Variants in HDGFL3 observed in about 807,000 individuals in gnomAD.
The protein encoded by HDGFL3 is HDGF like 3, also known as hepatoma-derived growth factor-related protein 3.
HDGFL3 carries 6 observed loss-of-function variants against 27.6 expected under a neutral mutation model. That is an observed-to-expected ratio of 0.22 (90% CI 0.12 to 0.43). HDGFL3 has a LOEUF of 0.43. Ranked by LOEUF, HDGFL3 falls within the 20% of genes least tolerant of loss-of-function variation. The pLI is 1.00. For missense variants in HDGFL3, 207 were observed against 250.1 expected (o/e 0.83, Z 1.16); for synonymous variants, 88 against 88.9 (o/e 0.99, Z 0.05).
chr15:83,205,740 AC>A (rs1190457442), intron 1 of HDGFL3, among the ~76,000 whole-genome samples: 10 of 152,324 alleles, frequency 6.6e-5, no homozygotes, highest in Admixed American at 1.3e-4. Flanking sequence ...TACATTTCTT[AC>A]TTGGCAAACA....
At chr15:83,160,369 T>C (rs2151403715) in intron 2 of HDGFL3, among the ~76,000 whole-genome samples, 1 of 152,170 alleles carries the variant, frequency 6.6e-6, no homozygotes, top group East Asian at 1.9e-4. Context: ...GTATTTTTGA[T>C]AGAGACGGGG....
intron 4 of HDGFL3, among the ~76,000 whole-genome samples, chr15:83,154,411 C>A (rs1230912869): frequency 6.6e-6 from 1 of 151,404 alleles, no homozygotes; most frequent in Non-Finnish European, 1.5e-5. Context: ...CAAAAGAGAA[C>A]AATGAAGTTA....
chr15:83,180,683 C>T (rs1218848299), intron 1 of HDGFL3: 1 of 138,250 alleles, frequency 7.2e-6, no homozygotes, highest in Non-Finnish European at 1.5e-5. Flanking sequence ...TCTCACTCTG[C>T]TGCCCAGGCT....
At chr15:83,177,790 G>T (rs990066741) in intron 1 of HDGFL3, among the ~76,000 whole-genome samples, 2 of 152,056 alleles carry the variant, frequency 1.3e-5, no homozygotes, top group African/African-American at 2.4e-5. Context: ...TATTATGCAC[G>T]TTCATGAACT....
intron 2 of HDGFL3, among the ~76,000 whole-genome samples, chr15:83,158,825 G>A (rs1402673674): frequency 6.6e-6 from 1 of 152,096 alleles, no homozygotes. Context: ...TACCACGTTA[G>A]TATATTTATT....
At chr15:83,180,150 T>C (rs1444651966) in intron 1 of HDGFL3, among the ~76,000 whole-genome samples, 2 of 152,012 alleles carry the variant, frequency 1.3e-5, no homozygotes, top group African/African-American at 2.4e-5. Context: ...AGTGTCCTGA[T>C]TGACTCCGGA....
rs1337294914 is a variant in HDGFL3, at chr15:83,135,264, CAAGT to C, written c.*4002_*4005del. The C allele has an allele frequency of 2.6e-5, 4 of 152,264 alleles. No individual in the cohort carries two copies. The highest frequency in any genetic ancestry group is 1.9e-4 in the East Asian group (1 of 5,184). 9.4% of individuals were successfully genotyped at this position (152,264 alleles called of 1,614,324 possible). Reference sequence around the variant, plus strand: ...TGTCCTTTTCTTGTCATGGTGAAGTCAAGTAAGTAACACCTTTATCTGTGAAATC... The same window carrying C: ...TGTCCTTTTCTTGTCATGGTGAAGTCAAGTAACACCTTTATCTGTGAAATC... On this transcript the variant is annotated 3_prime_UTR_variant, in exon 6 of 6. Coordinates refer to ENST00000299633, the MANE Select transcript of HDGFL3 (RefSeq NM_016073.4).
downstream of HDGFL3, among the ~76,000 whole-genome samples, chr15:83,127,192 TA>T (rs1567150814): frequency 2.8e-5 from 4 of 142,474 alleles, no homozygotes; most frequent in South Asian, 8.9e-4. Flanking sequence ...AGACTCCACC[TA>T]AAAAAATAAA....
At chr15:83,115,963 T>G (rs1272120289) in intron 3 of HDGFL3, 1 of 1,589,786 alleles carries the variant, frequency 6.3e-7, no homozygotes. Flanking sequence ...ACTTAGTGAT[T>G]ATGAGGTTTC....
intron 2 of HDGFL3, among the ~76,000 whole-genome samples, chr15:83,159,594 AG>A (rs1215823268): frequency 1.3e-5 from 2 of 152,230 alleles, no homozygotes; most frequent in Non-Finnish European, 2.9e-5. Flanking sequence ...GAAGAATAGG[AG>A]ATGGATTTTA....
Position 83,139,227 on chromosome 15 carries a change from C to G in HDGFL3, c.*43G>C. 1 of 1,361,450 alleles carries G rather than the reference C, an allele frequency of 7.3e-7. No homozygotes were observed. The allele number at this position is 1,361,450 out of a possible 1,614,324, so 84.3% of individuals were successfully genotyped here. A position where few individuals can be genotyped will look rare whatever the true frequency, so the allele number is the denominator to read the frequency against. ...GAATATTAGACAACCAAACATATAA[C>G]CTTCTTGTGGTTTCTCTTAATATGC... On this transcript the variant is annotated 3_prime_UTR_variant, in exon 6 of 6. Coordinates refer to ENST00000299633, the MANE Select transcript of HDGFL3 (RefSeq NM_016073.4).
rs1167358134 is a variant in HDGFL3, at chr15:83,157,850, C to T, written c.300+53G>A. 1.6e-5 allele frequency: 25 copies of T among 1,537,136 alleles called. No individual in the cohort carries two copies. In the Admixed American group the frequency reaches 2.1e-4, roughly 13 times the overall value. On this transcript the variant is annotated intron_variant, in intron 3 of 5. Coordinates refer to ENST00000299633, the MANE Select transcript of HDGFL3 (RefSeq NM_016073.4). Reference sequence around the variant, plus strand: ...GACATATAAGAAAGATTTGAAAAAGCGTTAAAACCAAAGAAATGAGATATA... The same window carrying T: ...GACATATAAGAAAGATTTGAAAAAGTGTTAAAACCAAAGAAATGAGATATA...
rs1168429744 is a variant in HDGFL3 at position 83,201,701 on chromosome 15, C to A, written c.84+5630G>T. Reference sequence around the variant, plus strand: ...CGAGAATTAATATTATTTTCCAAATCATGGAGGAACAGTAGTCATTAGAGA... The same window carrying A: ...CGAGAATTAATATTATTTTCCAAATAATGGAGGAACAGTAGTCATTAGAGA... On this transcript the variant is annotated intron_variant, in intron 1 of 5. Coordinates refer to ENST00000299633, the MANE Select transcript of HDGFL3 (RefSeq NM_016073.4). Among the ~76,000 whole-genome samples the A allele has an allele frequency of 2.0e-5, 3 of 152,052 alleles. No individual in the cohort carries two copies. In the East Asian group the frequency reaches 5.8e-4, roughly 29 times the overall value.
At chr15:83,186,868 T>C (rs775499224) in intron 1 of HDGFL3, among the ~76,000 whole-genome samples, 1 of 152,162 alleles carries the variant, frequency 6.6e-6, no homozygotes, top group East Asian at 1.9e-4. Flanking sequence ...TTGTACCCCA[T>C]AAAGATATTG....
chr15:83,162,407 C>A (rs2037112946), intron 2 of HDGFL3, among the ~76,000 whole-genome samples: 1 of 152,096 alleles, frequency 6.6e-6, no homozygotes, highest in Non-Finnish European at 1.5e-5. Context: ...ATATAGACTA[C>A]TGTACAACCA....
rs868680715 is a variant in HDGFL3, at chr15:83,176,633, A to G, written c.85-12558T>C. Among the ~76,000 whole-genome samples, 4 of 152,150 alleles carry G rather than the reference A, an allele frequency of 2.6e-5. No individual in the cohort carries two copies. The South Asian group carries it at 6.2e-4, about 24-fold the overall frequency. ...GGACTCATTAGAAATGCTTATTCTC[A>G]GTCCAAAACAAAGGCTTATAGACTT... On this transcript the variant is annotated intron_variant, in intron 1 of 5. Transcript: ENST00000299633.
intron 1 of HDGFL3, among the ~76,000 whole-genome samples, chr15:83,167,804 G>T (rs886604996): frequency 1.3e-5 from 2 of 152,100 alleles, no homozygotes; most frequent in Admixed American, 1.3e-4. Context: ...AGAAATTCTG[G>T]ATTTAAACTC....
chr15:83,163,488 T>C (rs1272655630), intron 2 of HDGFL3, among the ~76,000 whole-genome samples: 2 of 152,182 alleles, frequency 1.3e-5, no homozygotes, highest in Admixed American at 1.3e-4. Context: ...TAAACTTCTA[T>C]ATTATTTGAG....
At position 83,158,024 on chromosome 15, in the gene HDGFL3, T is replaced by C. The variant is rs2037054808; in HGVS notation, c.179A>G (p.Lys60Arg). ...GTHETAFLGP[K>R]DLFPYKEYKD... ...GTACTCCTTATATGGAAAAAGGTCT[T>C]TGGGACCTAGAAATGCACTGCAGAG... Residue 60 changes from lysine to arginine, a missense_variant, in exon 3 of 6, where the codon AAA becomes AGA. Transcript: ENST00000299633. 3 of 1,610,256 alleles carry C rather than the reference T, an allele frequency of 1.9e-6. No homozygotes were observed. The highest frequency in any genetic ancestry group is 2.2e-5 in the South Asian group (2 of 90,712).
Sources: allele counts gnomAD v4.1 joint callset (sites outside exome capture counted in the v4.1 genomes callset), GRCh38; gene constraint gnomAD v4.1.1; transcripts MANE v1.5; gene names NCBI Gene and HGNC (gene_info 2026-07-23, HGNC 2026-07-21).